IFT81: variants seen among roughly 807,000 people sequenced by gnomAD.
IFT81 encodes the protein intraflagellar transport protein 81 homolog.
In IFT81, 72 loss-of-function variants were observed where a neutral mutation model predicts 102.6. The ratio of observed to expected loss-of-function variants is 0.70; its 90% CI spans 0.58 to 0.85. IFT81 has a LOEUF of 0.85. IFT81 is among the 40% of genes least tolerant of loss of function. The probability of loss-of-function intolerance (pLI) is 0.00; values close to 1 mark genes in which losing one functional copy is unlikely to be tolerated. For missense variants in IFT81, 723 were observed against 787.3 expected, an observed-to-expected ratio of 0.92 and a Z score of 0.98; for synonymous variants, 237 against 242.7, an observed-to-expected ratio of 0.98 and a Z score of 0.22.
chr12:110,163,664 G>A (rs1409711315), intron 11 of IFT81, among the ~76,000 whole-genome samples: 1 of 144,878 alleles, frequency 6.9e-6, no homozygotes, highest in Admixed American at 7.1e-5. Context: ...CGCCCAGGCT[G>A]GAGTGCAGTG....
chr12:110,169,651 C>G (rs1896643643), intron 11 of IFT81, among the ~76,000 whole-genome samples: 1 of 152,196 alleles, frequency 6.6e-6, no homozygotes, highest in East Asian at 1.9e-4. Context: ...CAACCTCCGC[C>G]TCCCGGGTTC....
intron 10 of IFT81, among the ~76,000 whole-genome samples, chr12:110,160,707 C>G (rs1407295664): frequency 1.3e-5 from 2 of 152,220 alleles, no homozygotes; most frequent in Non-Finnish European, 2.9e-5. Flanking sequence ...TAGTAACCAT[C>G]ACATATATTT....
chr12:110,169,256 CTG>C (rs1006044287), intron 11 of IFT81: 2 of 152,068 alleles, frequency 1.3e-5, no homozygotes, highest in Admixed American at 1.3e-4. Flanking sequence ...ATTATGCCCT[CTG>C]TGACTGCAGT....
intron 18 of IFT81, among the ~76,000 whole-genome samples, chr12:110,211,310 G>A (rs1016593591): frequency 2.6e-5 from 4 of 151,564 alleles, no homozygotes; most frequent in South Asian, 2.1e-4. Context: ...CCGCCTCAGC[G>A]GACTACAGGA....
chr12:110,183,507 C>T (rs988220684), intron 12 of IFT81, among the ~76,000 whole-genome samples: 1 of 152,202 alleles, frequency 6.6e-6, no homozygotes, highest in African/African-American at 2.4e-5. Flanking sequence ...TCTCTACCAA[C>T]AAAGCCATTC....
chr12:110,170,821 A>G (rs1896693421), intron 11 of IFT81, among the ~76,000 whole-genome samples: 1 of 152,208 alleles, frequency 6.6e-6, no homozygotes. Flanking sequence ...GCTTGGTCAA[A>G]TAATATTTAT....
intron 10 of IFT81, among the ~76,000 whole-genome samples, chr12:110,161,335 A>ATGTATTTTTTACATTTT (rs1896122944): frequency 6.6e-6 from 1 of 151,712 alleles, no homozygotes; most frequent in Admixed American, 6.6e-5. Flanking sequence ...TTTAGTAGAA[A>ATGTATTTTTTACATTTT]CAGGGTTTTA....
At chr12:110,191,168 C>A in intron 13 of IFT81, 120 bp downstream of exon 13, 16 of 623,310 alleles carry the variant, frequency 2.6e-5, no homozygotes, top group Non-Finnish European at 3.6e-5. Context: ...ATTCTTTCAT[C>A]TTTTTTTTTT....
chr12:110,173,702 A>C (rs1896895922), intron 11 of IFT81, among the ~76,000 whole-genome samples: 1 of 152,122 alleles, frequency 6.6e-6, no homozygotes, highest in African/African-American at 2.4e-5. Flanking sequence ...TGCTGTGTCC[A>C]CTCAGGGTTA....
chr12:110,132,673 A>T, intron 5 of IFT81, 37 bp downstream of exon 5: 1 of 1,083,732 alleles, frequency 9.2e-7, no homozygotes, highest in South Asian at 1.3e-5. Context: ...TTTTTTTGGG[A>T]TTTGAATAAT....
chr12:110,128,983 T>C lies in IFT81; in HGVS notation c.282T>C (p.Ser94=). 6.2e-7 allele frequency: 1 copy of C among 1,613,686 alleles called. No homozygotes were observed. The highest frequency in any genetic ancestry group is 8.5e-7 in the Non-Finnish European group (1 of 1,179,860). Residue 94 remains serine (S), a synonymous_variant, in exon 4 of 19, where the codon AGT becomes AGC. Transcript: ENST00000242591. ...TTCGTCAGGGTTTGGTGATTGGAAG[T>C]AAACCTGTAATTTACCCAGTGCTCC... The part of the protein sequence containing the change: ...STFRQGLVIG[S]KPVIYPVLHW...
intron 9 of IFT81, among the ~76,000 whole-genome samples, chr12:110,144,007 C>CTTTTTTTTTTTTTTT: frequency 8.1e-6 from 1 of 123,120 alleles, no homozygotes; most frequent in Non-Finnish European, 1.7e-5. Flanking sequence ...CAGGTTATAC[C>CTTTTTTTTTTTTTTT]TTTTTTTTTT....
chr12:110,197,137 G>C (rs1313473939), intron 14 of IFT81, among the ~76,000 whole-genome samples: 1 of 152,132 alleles, frequency 6.6e-6, no homozygotes, highest in Non-Finnish European at 1.5e-5. Context: ...GTTCGAGGTT[G>C]CAGTGAGACC....
At chr12:110,144,757 GCCTCAGCCT>G (rs1298871835) in intron 9 of IFT81, among the ~76,000 whole-genome samples, 2 of 147,310 alleles carry the variant, frequency 1.4e-5, no homozygotes, top group Non-Finnish European at 3.0e-5. Context: ...TGATCTGCCC[GCCTCAGCCT>G]CCCAAAGTGC....
chr12:110,201,684 C>T (rs1169541258), intron 14 of IFT81, among the ~76,000 whole-genome samples: 2 of 152,032 alleles, frequency 1.3e-5, no homozygotes, highest in Non-Finnish European at 2.9e-5. Flanking sequence ...TGGGCTCAAG[C>T]GATCCACCCG....
chr12:110,208,897 G>A (rs1566172038), intron 17 of IFT81, among the ~76,000 whole-genome samples: 1 of 151,972 alleles, frequency 6.6e-6, no homozygotes, highest in Non-Finnish European at 1.5e-5. Context: ...TTGTTTTGAG[G>A]GTAGATTAAC....
chr12:110,190,405 T>C (rs1368968283), intron 12 of IFT81, among the ~76,000 whole-genome samples: 1 of 152,222 alleles, frequency 6.6e-6, no homozygotes, highest in East Asian at 1.9e-4. Flanking sequence ...CTCTGGATCA[T>C]CTTCTCTAAC....
At position 110,136,800 on chromosome 12, in the gene IFT81, CAA is replaced by C. The variant is rs1395766003; in HGVS notation, c.723_724del (p.Arg242SerfsTer18). On this transcript the variant is annotated frameshift_variant, in exon 8 of 19. Transcript: ENST00000242591. LOFTEE classifies it high-confidence loss of function. The stretch of plus-strand genomic sequence containing the variant: ...GCTATTTCATGCAGTGCAAAGATTG[CAA>C]AGAGTACAAAACCAGCTGAAAAGCA... ...NQLFHAVQRL[Q>X]RVQNQLKSMR... 4.3e-6 allele frequency: 7 copies of C among 1,611,110 alleles called. No individual in the cohort carries two copies. The highest frequency in any genetic ancestry group is 1.3e-5 in the African/African-American group (1 of 74,828).
At chr12:110,201,439 GT>G (rs979527199) in intron 14 of IFT81, among the ~76,000 whole-genome samples, 1 of 145,510 alleles carries the variant, frequency 6.9e-6, no homozygotes, top group Non-Finnish European at 1.5e-5. Context: ...TTTGTTTTTT[GT>G]TTTTTTTTGA....
Sources: gnomAD v4.1 joint callset for allele counts (sites outside exome capture counted in the v4.1 genomes callset) on GRCh38, gnomAD v4.1.1 for gene constraint, MANE v1.5 for transcripts, NCBI Gene and HGNC (gene_info 2026-07-23, HGNC 2026-07-21) for gene names.